Variants in NRXN1 observed in about 807,000 individuals in gnomAD.
NRXN1 encodes the protein neurexin-1.
Under a neutral mutation model 150.9 loss-of-function variants are expected in NRXN1, and 39 were observed. The observed-to-expected ratio is 0.26, with a 90% CI of 0.20 to 0.34. The LOEUF (loss-of-function observed/expected upper bound fraction) is 0.34, where lower values mean the gene tolerates loss of function less well. Ranked by LOEUF, NRXN1 falls within the 10% of genes least tolerant of loss-of-function variation. NRXN1 has a pLI of 1.00. For synonymous variants in NRXN1, 924 were observed against 757.0 expected, an observed-to-expected ratio of 1.22 and a Z score of -3.62; for missense variants, 1,815 against 1,949.9, an observed-to-expected ratio of 0.93 and a Z score of 1.30.
At chr2:50,591,579 T>C (rs1674262640) in intron 8 of NRXN1, among the ~76,000 whole-genome samples, 1 of 152,218 alleles carries the variant, frequency 6.6e-6, no homozygotes, top group South Asian at 2.1e-4. Flanking sequence ...TCATAATGCC[T>C]ATGATTTCCT....
At chr2:50,202,849 C>T (rs1039228107) in intron 18 of NRXN1, among the ~76,000 whole-genome samples, 7 of 151,370 alleles carry the variant, frequency 4.6e-5, no homozygotes, top group Admixed American at 2.6e-4. Context: ...TTACTTGGAA[C>T]TGATCCACAT....
chr2:50,324,241 G>T (rs1048470797), intron 17 of NRXN1, among the ~76,000 whole-genome samples: 48 of 152,204 alleles, frequency 3.2e-4, no homozygotes, highest in African/African-American at 1.1e-3. Flanking sequence ...AGCATTAGGA[G>T]TGAAACACAC....
At chr2:49,926,177 A>T (rs764077642) in intron 22 of NRXN1, 9 of 394,324 alleles carry the variant, frequency 2.3e-5, no homozygotes, top group Middle Eastern at 6.4e-4. Flanking sequence ...GCAGTACAAC[A>T]GTTATGACCC....
chr2:50,265,999 T>TTA (rs1484638196), intron 17 of NRXN1, among the ~76,000 whole-genome samples: 89 of 46,802 alleles, frequency 1.9e-3, no homozygotes, highest in Middle Eastern at 0.014. Context: ...ATTATTATTA[T>TTA]TTATTTTTTT....
At chr2:50,013,914 G>C (rs1272291252) in intron 21 of NRXN1, among the ~76,000 whole-genome samples, 1 of 152,084 alleles carries the variant, frequency 6.6e-6, no homozygotes, top group Non-Finnish European at 1.5e-5. Flanking sequence ...CGGAAGAGTG[G>C]TGTAATGACG....
chr2:50,665,812 A>C (rs1340779362), intron 5 of NRXN1, among the ~76,000 whole-genome samples: 1 of 151,864 alleles, frequency 6.6e-6, no homozygotes, highest in African/African-American at 2.4e-5. Flanking sequence ...GAACTGTGAA[A>C]AAAAGGTGAA....
intron 17 of NRXN1, among the ~76,000 whole-genome samples, chr2:50,434,409 C>A (rs368539305): frequency 6.6e-6 from 1 of 151,986 alleles, no homozygotes; most frequent in African/African-American, 2.4e-5. Context: ...TGGGTGGATT[C>A]CTCTCTTCAC....
chr2:50,247,491 T>C (rs2066618551), intron 17 of NRXN1, among the ~76,000 whole-genome samples: 1 of 152,142 alleles, frequency 6.6e-6, no homozygotes, highest in African/African-American at 2.4e-5. Context: ...TCTCCAAATA[T>C]GGTACACTGA....
At chr2:50,641,498 A>G (rs1268210406) in intron 5 of NRXN1, among the ~76,000 whole-genome samples, 1 of 152,084 alleles carries the variant, frequency 6.6e-6, no homozygotes. Flanking sequence ...GAAGCCCTTC[A>G]GCCTTTCCTA....
At chr2:50,917,202 AG>A (rs1685331055) in intron 5 of NRXN1, 1 of 151,668 alleles carries the variant, frequency 6.6e-6, no homozygotes, top group African/African-American at 2.4e-5. Context: ...TTCAACAGTA[AG>A]GGTCTGTCAA....
intron 17 of NRXN1, among the ~76,000 whole-genome samples, chr2:50,252,030 T>C (rs1390550264): frequency 6.6e-6 from 1 of 152,034 alleles, no homozygotes; most frequent in African/African-American, 2.4e-5. Context: ...AGAAGCTCTT[T>C]AGTTTAATTA....
intron 5 of NRXN1, among the ~76,000 whole-genome samples, chr2:50,872,583 G>C (rs1009012700): frequency 2.6e-5 from 4 of 151,530 alleles, no homozygotes; most frequent in Admixed American, 2.0e-4. Flanking sequence ...CTTTCCTTTA[G>C]GCCAGGGCTC....
intron 8 of NRXN1, among the ~76,000 whole-genome samples, chr2:50,603,735 C>A (rs1196046724): frequency 6.6e-6 from 1 of 151,980 alleles, no homozygotes; most frequent in East Asian, 1.9e-4. Flanking sequence ...TAGAGAGGGA[C>A]CTTAAGGTAC....
chr2:50,497,826 G>A, intron 13 of NRXN1, 112 bp from the exon 14 acceptor site: 1 of 908,694 alleles, frequency 1.1e-6, no homozygotes, highest in South Asian at 1.8e-5. Context: ...TCCCTCCTTG[G>A]TACTCAGTTG....
chr2:50,223,734 C>A (rs1289889333), intron 18 of NRXN1, among the ~76,000 whole-genome samples: 3 of 151,922 alleles, frequency 2.0e-5, no homozygotes, highest in African/African-American at 7.2e-5. Flanking sequence ...AATTCCCTTT[C>A]TCTGACCTCA....
chr2:50,499,207 A>C (rs1439058262), intron 13 of NRXN1, among the ~76,000 whole-genome samples: 1 of 152,212 alleles, frequency 6.6e-6, no homozygotes, highest in Non-Finnish European at 1.5e-5. Context: ...ATATATTTGT[A>C]CACAAAACTC....
At chr2:50,363,162 A>T (rs1338147466) in intron 17 of NRXN1, among the ~76,000 whole-genome samples, 2 of 152,242 alleles carry the variant, frequency 1.3e-5, no homozygotes, top group Admixed American at 1.3e-4. Context: ...AGGCAATAAC[A>T]TTCAAAACAT....
intron 5 of NRXN1, among the ~76,000 whole-genome samples, chr2:50,876,914 C>T (rs1043761944): frequency 3.3e-5 from 5 of 151,716 alleles, no homozygotes; most frequent in African/African-American, 1.2e-4. Flanking sequence ...TTTTATTGGC[C>T]AAAGGAAATC....
chr2:50,198,713 A>AC (rs962466555), intron 18 of NRXN1, among the ~76,000 whole-genome samples: 1 of 151,948 alleles, frequency 6.6e-6, no homozygotes, highest in African/African-American at 2.4e-5. Context: ...GGATCCTAAA[A>AC]CCCCATTCTA....
Sources: allele counts gnomAD v4.1 joint callset (sites outside exome capture counted in the v4.1 genomes callset), GRCh38; gene constraint gnomAD v4.1.1; transcripts MANE v1.5; gene names NCBI Gene and HGNC (gene_info 2026-07-23, HGNC 2026-07-21).